The following DOK5 variants were observed in gnomAD, a reference collection of about 807,000 sequenced individuals.
The protein encoded by DOK5 is docking protein 5.
A neutral mutation model predicts 43.3 loss-of-function variants in DOK5; 27 were observed. The ratio of observed to expected loss-of-function variants is 0.62; its 90% CI spans 0.46 to 0.86. The LOEUF (loss-of-function observed/expected upper bound fraction) is 0.86, where lower values mean the gene tolerates loss of function less well. Among genes scored for constraint, DOK5 ranks in the 40% least tolerant of loss-of-function variants. DOK5 has a pLI of 0.00. For missense variants in DOK5, 373 were observed against 392.9 expected (o/e 0.95, Z 0.43); for synonymous variants, 146 against 140.1 (o/e 1.04, Z -0.30).
intron 6 of DOK5, among the ~76,000 whole-genome samples, chr20:54,635,658 T>C (rs1469521049): frequency 6.6e-6 from 1 of 152,196 alleles, no homozygotes; most frequent in Non-Finnish European, 1.5e-5. Flanking sequence ...TATGTCTCCC[T>C]AAAACATATA....
Position 54,650,713 on chromosome 20 carries a change from C to G in DOK5, c.*234C>G. On this transcript the variant is annotated 3_prime_UTR_variant, in exon 8 of 8. Transcript: ENST00000262593. ...TCTATAGATATTGACTCTGTGTTCC[C>G]TCTTTTACAGCTGGACAGAAAGAAG... 2.5e-6 allele frequency: 1 copy of G among 399,352 alleles called. No individual in the cohort carries two copies. The highest frequency in any genetic ancestry group is 4.0e-5 in the East Asian group (1 of 25,084). The allele number at this position is 399,352 out of a possible 1,614,324, so 24.7% of individuals were successfully genotyped here.
intron 1 of DOK5, among the ~76,000 whole-genome samples, chr20:54,496,900 T>C (rs1982425606): frequency 6.6e-6 from 1 of 152,154 alleles, no homozygotes; most frequent in Non-Finnish European, 1.5e-5. Flanking sequence ...GATTTCATGA[T>C]TTCTCTAAGA....
At chr20:54,514,578 G>A (rs1983130143) in intron 1 of DOK5, among the ~76,000 whole-genome samples, 1 of 131,028 alleles carries the variant, frequency 7.6e-6, no homozygotes, top group Admixed American at 7.4e-5. Context: ...ACTGAGAGAA[G>A]TTTTACTCTT....
intron 1 of DOK5, among the ~76,000 whole-genome samples, chr20:54,553,257 G>A (rs915337849): frequency 3.3e-5 from 5 of 152,180 alleles, no homozygotes; most frequent in African/African-American, 4.8e-5. Flanking sequence ...GTGCAGTGGC[G>A]CCATCTCGGC....
In DOK5 at chr20:54,566,205, A is replaced by G. The variant is rs12625077; in HGVS notation, c.174+11165A>G. Among the ~76,000 whole-genome samples the G allele has an allele frequency of 8.6e-5, 13 of 151,592 alleles. No homozygotes were observed. The East Asian group carries it at 1.6e-3, about 18-fold the overall frequency. On this transcript the variant is annotated intron_variant, in intron 2 of 7. Transcript: ENST00000262593. Reference sequence around the variant, plus strand: ...TTGGGATTGGCCTTCTTCACGCAACATAACTCCCTTGGGACTTATCCAAGT... The same window carrying G: ...TTGGGATTGGCCTTCTTCACGCAACGTAACTCCCTTGGGACTTATCCAAGT...
At chr20:54,605,339 C>T (rs1487228988) in intron 5 of DOK5, among the ~76,000 whole-genome samples, 4 of 152,188 alleles carry the variant, frequency 2.6e-5, no homozygotes, top group Non-Finnish European at 4.4e-5. Context: ...ATGGGCAAAA[C>T]GAGAGAACAG....
intron 1 of DOK5, among the ~76,000 whole-genome samples, chr20:54,489,853 G>C (rs796931514): frequency 2.0e-5 from 3 of 152,268 alleles, no homozygotes; most frequent in African/African-American, 7.2e-5. Flanking sequence ...ATTCTTAGAA[G>C]TGGGACTTAT....
chr20:54,571,097 G>A (rs961017955), intron 2 of DOK5, among the ~76,000 whole-genome samples: 4 of 152,190 alleles, frequency 2.6e-5, no homozygotes, highest in East Asian at 1.9e-4. Context: ...CTGTAATTTA[G>A]GAGAGTGTTG....
intron 1 of DOK5, among the ~76,000 whole-genome samples, chr20:54,502,793 G>C (rs976948082): frequency 2.0e-5 from 3 of 151,950 alleles, no homozygotes; most frequent in African/African-American, 7.3e-5. Context: ...CTGTCAGCAT[G>C]GTATTTCATT....
At chr20:54,603,357 AG>A (rs1986358013) in intron 5 of DOK5, among the ~76,000 whole-genome samples, 1 of 152,234 alleles carries the variant, frequency 6.6e-6, no homozygotes, top group Non-Finnish European at 1.5e-5. Flanking sequence ...CTTTGTCTTA[AG>A]CTGAGATCAA....
At chr20:54,504,065 G>A (rs1485631682) in intron 1 of DOK5, among the ~76,000 whole-genome samples, 21 of 152,184 alleles carry the variant, frequency 1.4e-4, no homozygotes, top group Non-Finnish European at 2.1e-4. Context: ...GAGACAGTGC[G>A]CATGAGTGAG....
intron 2 of DOK5, among the ~76,000 whole-genome samples, chr20:54,562,382 A>G (rs138966331): frequency 9.2e-5 from 14 of 152,264 alleles, no homozygotes; most frequent in African/African-American, 3.1e-4. Flanking sequence ...AAGACCTTCT[A>G]ATAACAGAGA....
intron 1 of DOK5, among the ~76,000 whole-genome samples, chr20:54,534,803 T>C (rs879721029): frequency 6.8e-5 from 10 of 147,466 alleles, no homozygotes; most frequent in Non-Finnish European, 1.5e-4. Flanking sequence ...ACAACAAGAA[T>C]TGATTTTGAA....
At chr20:54,554,376 C>T (rs916344066) in intron 1 of DOK5, among the ~76,000 whole-genome samples, 2 of 152,190 alleles carry the variant, frequency 1.3e-5, no homozygotes, top group African/African-American at 4.8e-5. Flanking sequence ...TGGTCTGCAC[C>T]TCTGGTAGTA....
chr20:54,504,357 T>A lies in DOK5; in HGVS notation c.66+28345T>A, dbSNP rs531003883. Among the ~76,000 whole-genome samples the A allele has an allele frequency of 5.3e-5, 8 of 152,272 alleles. No individual in the cohort carries two copies. The South Asian group carries it at 1.7e-3, about 32-fold the overall frequency. ...ACTGCAAAAGATAACTAAAAATAAA[T>A]ACAATGAAAATGAAGCAATATTAGA... is the stretch of plus-strand genomic sequence containing the variant. On this transcript the variant is annotated intron_variant, in intron 1 of 7. Transcript: ENST00000262593.
intron 2 of DOK5, among the ~76,000 whole-genome samples, chr20:54,579,099 C>G (rs1239786145): frequency 1.3e-5 from 2 of 152,114 alleles, no homozygotes; most frequent in African/African-American, 4.8e-5. Context: ...GACTTTTAGG[C>G]ATTTGTCATT....
chr20:54,642,904 C>T (rs1398498109), intron 6 of DOK5, among the ~76,000 whole-genome samples: 1 of 152,196 alleles, frequency 6.6e-6, no homozygotes, highest in Non-Finnish European at 1.5e-5. Context: ...TACTCACTGT[C>T]ACGTGGTCCC....
At chr20:54,487,774 C>T (rs1981996983) in intron 1 of DOK5, among the ~76,000 whole-genome samples, 1 of 152,136 alleles carries the variant, frequency 6.6e-6, no homozygotes, top group African/African-American at 2.4e-5. Context: ...TCACTTCTCA[C>T]CCCCCAAAAA....
intron 6 of DOK5, among the ~76,000 whole-genome samples, chr20:54,634,160 T>G (rs926015804): frequency 1.4e-4 from 21 of 152,184 alleles, no homozygotes; most frequent in Non-Finnish European, 2.8e-4. Flanking sequence ...TGCGCAGTGG[T>G]CCGGTCATTA....
Sources: gnomAD v4.1 joint callset for allele counts (sites outside exome capture counted in the v4.1 genomes callset) on GRCh38, gnomAD v4.1.1 for gene constraint, MANE v1.5 for transcripts, NCBI Gene and HGNC (gene_info 2026-07-23, HGNC 2026-07-21) for gene names.